Variants in ACVR1B observed in about 807,000 individuals in gnomAD.
ACVR1B encodes the protein activin receptor type-1B.
A neutral mutation model predicts 55.6 loss-of-function variants in ACVR1B; 15 were observed. The observed-to-expected ratio is 0.27, with a 90% CI of 0.18 to 0.42. The LOEUF (loss-of-function observed/expected upper bound fraction) is 0.42. Ranked by LOEUF, ACVR1B falls within the 10% of genes least tolerant of loss-of-function variation. The pLI is 1.00. For missense variants in ACVR1B, 359 were observed against 670.1 expected (o/e 0.54, Z 5.13); for synonymous variants, 247 against 254.6 (o/e 0.97, Z 0.28).
rs757922338 is a variant in ACVR1B, at chr12:51,981,205, G to A, written c.811+6G>A. 1 of 1,612,674 alleles carries A rather than the reference G, an allele frequency of 6.2e-7. No homozygotes were observed. The highest frequency in any genetic ancestry group is 2.2e-5 in the East Asian group (1 of 44,870). On this transcript the variant is annotated splice_donor_region_variant and intron_variant, in intron 4 of 8. Transcript: ENST00000257963. ...TATTGCTGCTGACAATAAAGGTAAG[G>A]GCTGGGCTTGGATACAGCATTCCCA...
At chr12:51,970,891 A>G (rs945286051) in intron 1 of ACVR1B, among the ~76,000 whole-genome samples, 3 of 152,220 alleles carry the variant, frequency 2.0e-5, no homozygotes. Context: ...CATAATTACT[A>G]TAGCTTCAAA....
At chr12:51,980,227 A>G (rs575661722) in intron 3 of ACVR1B, among the ~76,000 whole-genome samples, 2 of 152,324 alleles carry the variant, frequency 1.3e-5, no homozygotes, top group South Asian at 4.1e-4. Context: ...GTAAGCATGC[A>G]GTAAATGGTA....
chr12:51,976,100 G>C (rs945747015), intron 2 of ACVR1B, among the ~76,000 whole-genome samples: 2 of 152,152 alleles, frequency 1.3e-5, no homozygotes, highest in Admixed American at 6.5e-5. Flanking sequence ...AGGTGACAAA[G>C]TGGGTTGTGG....
intron 1 of ACVR1B, among the ~76,000 whole-genome samples, chr12:51,972,765 A>C (rs958759319): frequency 6.6e-6 from 1 of 152,154 alleles, no homozygotes; most frequent in African/African-American, 2.4e-5. Context: ...GTTATCTTTA[A>C]AATATATCTT....
At chr12:51,973,456 C>T (rs1941786256) in intron 1 of ACVR1B, among the ~76,000 whole-genome samples, 1 of 152,134 alleles carries the variant, frequency 6.6e-6, no homozygotes, top group African/African-American at 2.4e-5. Context: ...CTTAAGATTC[C>T]AGTGTGAGTA....
chr12:51,996,287 A>G lies in ACVR1B; in HGVS notation c.*2177A>G, dbSNP rs1942296012. ...CTTAGAGCATCTCTGCCTCCAACCC[A>G]GCAGTTCTCTGCCAAAGCTTGTGGA... On this transcript the variant is annotated 3_prime_UTR_variant, in exon 9 of 9. Transcript: ENST00000257963. The G allele has an allele frequency of 6.6e-6, 1 of 152,548 alleles. No individual in the cohort carries two copies. The highest frequency in any genetic ancestry group is 1.5e-5 in the Non-Finnish European group (1 of 68,052). The allele number at this position is 152,548 out of a possible 1,614,324, so 9.4% of individuals were successfully genotyped here.
At chr12:51,992,152 C>A in intron 8 of ACVR1B, 159 bp downstream of exon 8, 1 of 928,700 alleles carries the variant, frequency 1.1e-6, no homozygotes, top group Non-Finnish European at 1.6e-6. Flanking sequence ...CCCTTTAGGG[C>A]TACAGTCTCT....
rs921478906 is a variant in ACVR1B at position 51,995,810 on chromosome 12, C to T, written c.*1700C>T. 1 of 152,682 alleles carries T rather than the reference C, an allele frequency of 6.5e-6. No homozygotes were observed. The highest frequency in any genetic ancestry group is 6.5e-5 in the Admixed American group (1 of 15,282). The allele number at this position is 152,682 out of a possible 1,614,324, so 9.5% of individuals were successfully genotyped here. On this transcript the variant is annotated 3_prime_UTR_variant, in exon 9 of 9. Transcript: ENST00000257963. ...TCCTCTTTGCCCTGAGGCTCAGTCT[C>T]TCTCGTATTTTGTCCCCACCCCCAA... is the stretch of plus-strand genomic sequence containing the variant.
Position 51,994,978 on chromosome 12 carries a change from TCA to T in ACVR1B, c.*869_*870del, listed in dbSNP as rs1942273697. On this transcript the variant is annotated 3_prime_UTR_variant, in exon 9 of 9. Coordinates refer to ENST00000257963, the MANE Select transcript of ACVR1B (RefSeq NM_004302.5). This position sits in a 1 kb window ranked among gnomAD's most constrained non-coding sequence, Gnocchi z 4.2. ...ATCAGCACAGCTCTCCTCCTCCATC[TCA>T]GACTGTGGAACCAAAGCTGGCCCAG... The T allele has an allele frequency of 6.6e-6, 1 of 152,328 alleles. No homozygotes were observed. Among genetic ancestry groups the T allele is most frequent in the South Asian group, 2.1e-4 (1 of 4,808 alleles). 9.4% of individuals were successfully genotyped at this position (152,328 alleles called of 1,614,324 possible).
intron 2 of ACVR1B, 83 bp downstream of exon 2, chr12:51,975,587 C>G: frequency 1.3e-6 from 2 of 1,522,044 alleles, no homozygotes; most frequent in Non-Finnish European, 1.8e-6. Context: ...CTCTTGCCCA[C>G]TCACTTGGTT....
At chr12:51,982,530 G>A (rs1460129770) in intron 4 of ACVR1B, among the ~76,000 whole-genome samples, 1 of 152,204 alleles carries the variant, frequency 6.6e-6, no homozygotes, top group Admixed American at 6.5e-5. Flanking sequence ...GGCACCCGGA[G>A]CACAGAGAGG....
intron 1 of ACVR1B, among the ~76,000 whole-genome samples, chr12:51,960,678 C>CT (rs1042369281): frequency 3.1e-4 from 47 of 152,290 alleles, no homozygotes; most frequent in African/African-American, 1.1e-3. Context: ...GGTCCAAAGT[C>CT]TATCCAAGTC....
chr12:51,986,136 A>G (rs1390372318), intron 6 of ACVR1B, among the ~76,000 whole-genome samples: 9 of 152,244 alleles, frequency 5.9e-5, no homozygotes, highest in Non-Finnish European at 1.0e-4. Flanking sequence ...CTGTGACTAC[A>G]TTCAATAAAG....
intron 7 of ACVR1B, 38 bp downstream of exon 7, chr12:51,986,980 C>G: frequency 6.2e-7 from 1 of 1,614,180 alleles, no homozygotes; most frequent in Non-Finnish European, 8.5e-7. Context: ...ACCTCCCATT[C>G]CAGGATGCTG....
At chr12:51,987,100 TG>T (rs778220424) in intron 7 of ACVR1B, 158 bp downstream of exon 7, 10 of 990,320 alleles carry the variant, frequency 1.0e-5, no homozygotes, top group Non-Finnish European at 1.4e-5. Context: ...TGGAGGTAGC[TG>T]TGCTTAGGGT....
In ACVR1B at chr12:51,991,969, C is replaced by T. The variant is rs762169175; in HGVS notation, c.1368C>T (p.Ile456=). The change falls in exon 8 of 9, where the codon ATC becomes ATT. Residue 456 remains isoleucine, a synonymous_variant. Coordinates refer to ENST00000257963, the MANE Select transcript of ACVR1B (RefSeq NM_004302.5). ...VVCDQKLRPN[I]PNWWQSYEAL... is the part of the protein sequence containing the mutation. ...GTGATCAGAAGCTGCGTCCCAACATCCCCAACTGGTGGCAGAGTTATGAGG... is the reference window on the plus strand; with the variant it reads ...GTGATCAGAAGCTGCGTCCCAACATTCCCAACTGGTGGCAGAGTTATGAGG... 1.2e-6 allele frequency: 2 copies of T among 1,614,110 alleles called. No individual in the cohort carries two copies. The highest frequency in any genetic ancestry group is 8.5e-7 in the Non-Finnish European group (1 of 1,180,060).
intron 1 of ACVR1B, among the ~76,000 whole-genome samples, chr12:51,966,727 G>C (rs891310597): frequency 5.6e-4 from 85 of 152,168 alleles, no homozygotes; most frequent in Admixed American, 7.9e-4. Context: ...GGGATTACAG[G>C]TGTGAGCCAC....
intron 1 of ACVR1B, among the ~76,000 whole-genome samples, chr12:51,953,913 A>G (rs1414417521): frequency 6.6e-6 from 1 of 152,126 alleles, no homozygotes; most frequent in Non-Finnish European, 1.5e-5. Context: ...TAAATTGGAA[A>G]TTAGGTTGTG....
chr12:51,976,871 C>T (rs1941869383), intron 3 of ACVR1B, among the ~76,000 whole-genome samples: 1 of 152,168 alleles, frequency 6.6e-6, no homozygotes, highest in Admixed American at 6.5e-5. Context: ...TTCAGCTGGT[C>T]CCACCTGAGC....
Sources: allele counts gnomAD v4.1 joint callset (sites outside exome capture counted in the v4.1 genomes callset), GRCh38; gene constraint gnomAD v4.1.1; non-coding constraint Gnocchi (gnomAD v3.1); transcripts MANE v1.5; gene names NCBI Gene and HGNC (gene_info 2026-07-23, HGNC 2026-07-21).